Variants in NAALADL2 observed in about 807,000 individuals in gnomAD.
NAALADL2 encodes the protein N-acetylated alpha-linked acidic dipeptidase like 2, also known as inactive N-acetylated-alpha-linked acidic dipeptidase-like protein 2.
A neutral mutation model predicts 87.2 loss-of-function variants in NAALADL2; 76 were observed. That is an observed-to-expected ratio of 0.87 (90% confidence interval 0.72 to 1.05). The LOEUF is 1.05. Among genes scored for constraint, NAALADL2 ranks in the 50% least tolerant of loss-of-function variants. The pLI, the probability that NAALADL2 is intolerant of heterozygous loss-of-function variation, is 0.00. For missense variants in NAALADL2, 1,089 were observed against 945.8 expected (o/e 1.15, Z -1.99); for synonymous variants, 354 against 331.0 (o/e 1.07, Z -0.75).
intron 1 of NAALADL2, among the ~76,000 whole-genome samples, chr3:174,461,920 A>G (rs1716237233): frequency 1.3e-5 from 2 of 152,050 alleles, no homozygotes; most frequent in African/African-American, 2.4e-5. Flanking sequence ...GTAACTTATC[A>G]TCTATATACT....
At chr3:175,304,131 A>G (rs1757416318) in intron 4 of NAALADL2, among the ~76,000 whole-genome samples, 1 of 152,192 alleles carries the variant, frequency 6.6e-6, no homozygotes, top group South Asian at 2.1e-4. Context: ...CAAGAATGAA[A>G]AAGTATCGTT....
intron 11 of NAALADL2, among the ~76,000 whole-genome samples, chr3:175,689,278 T>G (rs1040217008): frequency 6.6e-6 from 1 of 152,136 alleles, no homozygotes; most frequent in South Asian, 2.1e-4. Context: ...TCAGGAATCA[T>G]TTTAAAATGA....
intron 3 of NAALADL2, among the ~76,000 whole-genome samples, chr3:174,825,286 C>T (rs1721857648): frequency 6.6e-6 from 1 of 150,642 alleles, no homozygotes; most frequent in Admixed American, 6.6e-5. Flanking sequence ...TAGAGTAATT[C>T]CCAGTCCAAG....
intron 3 of NAALADL2, among the ~76,000 whole-genome samples, chr3:174,752,542 T>G (rs2109043606): frequency 6.6e-6 from 1 of 152,214 alleles, no homozygotes; most frequent in South Asian, 2.1e-4. Context: ...TTATAATTTA[T>G]TTTTGTGTAT....
chr3:174,972,488 A>C (rs537301273), intron 1 of NAALADL2, among the ~76,000 whole-genome samples: 3 of 152,054 alleles, frequency 2.0e-5, no homozygotes, highest in African/African-American at 7.2e-5. Flanking sequence ...TTTTCTCTAC[A>C]CCTGCATCCT....
intron 11 of NAALADL2, among the ~76,000 whole-genome samples, chr3:175,735,557 A>T (rs1583055791): frequency 6.6e-6 from 1 of 152,312 alleles, no homozygotes; most frequent in East Asian, 1.9e-4. Flanking sequence ...AAGCCTCACC[A>T]TCATTGCAGA....
chr3:175,362,501 A>G (rs1283144878), intron 5 of NAALADL2, among the ~76,000 whole-genome samples: 1 of 148,212 alleles, frequency 6.7e-6, no homozygotes, highest in Non-Finnish European at 1.5e-5. Flanking sequence ...ATCCATGAGC[A>G]TGGAATGTTC....
intron 9 of NAALADL2, among the ~76,000 whole-genome samples, chr3:175,511,147 T>A (rs1003271412): frequency 1.3e-5 from 2 of 152,124 alleles, no homozygotes; most frequent in Non-Finnish European, 2.9e-5. Context: ...GAACCACCAA[T>A]CACTCCTGCA....
At chr3:174,676,309 GATGAGAAA>G (rs1727030277) in intron 2 of NAALADL2, among the ~76,000 whole-genome samples, 1 of 152,018 alleles carries the variant, frequency 6.6e-6, no homozygotes, top group African/African-American at 2.4e-5. Context: ...TTAGTCAATG[GATGAGAAA>G]ATGATAATCC....
Position 174,706,974 on chromosome 3 carries a change from A to T in NAALADL2, c.-114-30667A>T, listed in dbSNP as rs963535701. 6.5e-4 allele frequency among the ~76,000 whole-genome samples: 99 copies of T among 152,198 alleles called. 5 individuals carry two copies. The highest frequency in any genetic ancestry group is 1.5e-5 in the Non-Finnish European group (1 of 68,034). Reference sequence around the variant, plus strand: ...CAAGAGAAAAACAACCCCATCAAAAAGTGGGTGAACGATATGAACAGACAC... The same window carrying T: ...CAAGAGAAAAACAACCCCATCAAAATGTGGGTGAACGATATGAACAGACAC... On this transcript the variant is annotated intron_variant, in intron 2 of 3. Coordinates refer to the NAALADL2 transcript ENST00000434257.
chr3:175,126,057 A>G (rs552607969), intron 2 of NAALADL2, among the ~76,000 whole-genome samples: 6 of 152,252 alleles, frequency 3.9e-5, no homozygotes, highest in Admixed American at 6.5e-5. Context: ...CTTGCTATAC[A>G]TAAAACAATG....
intron 2 of NAALADL2, among the ~76,000 whole-genome samples, chr3:174,649,577 C>T (rs1724150254): frequency 6.6e-6 from 1 of 151,944 alleles, no homozygotes; most frequent in Non-Finnish European, 1.5e-5. Context: ...GACTATGTAT[C>T]AGATTAGTCT....
intron 11 of NAALADL2, among the ~76,000 whole-genome samples, chr3:175,733,237 G>A (rs1404887896): frequency 1.3e-5 from 2 of 152,078 alleles, no homozygotes; most frequent in East Asian, 1.9e-4. Context: ...AAGACATACC[G>A]AAGACAAGGC....
intron 9 of NAALADL2, among the ~76,000 whole-genome samples, chr3:175,558,748 A>G (rs1235241451): frequency 3.3e-5 from 5 of 152,158 alleles, no homozygotes; most frequent in Non-Finnish European, 5.9e-5. Context: ...GTATGAGTTT[A>G]TCGGTGGATT....
chr3:174,812,291 C>T (rs1160695802), intron 3 of NAALADL2, among the ~76,000 whole-genome samples: 3 of 152,126 alleles, frequency 2.0e-5, no homozygotes, highest in East Asian at 3.9e-4. Flanking sequence ...TGAGAATAGT[C>T]CCATATAAGA....
chr3:175,755,245 G>A lies in NAALADL2; in HGVS notation c.2016G>A (p.Leu672=). ...LKGDQPNTHQ[L]LAMALRLRES... is the part of the protein sequence containing the mutation. Reference sequence around the variant, plus strand: ...GTGATCAACCCAACACTCATCAACTGTTAGCCATGGCGTTACGCCTGCGGG... The same window carrying A: ...GTGATCAACCCAACACTCATCAACTATTAGCCATGGCGTTACGCCTGCGGG... The change falls in exon 13 of 14, where the codon CTG becomes CTA. Residue 672 remains leucine, a synonymous_variant. Coordinates refer to ENST00000454872, the MANE Select transcript of NAALADL2 (RefSeq NM_207015.3). The A allele has an allele frequency of 6.2e-7, 1 of 1,613,184 alleles. No homozygotes were observed. The highest frequency in any genetic ancestry group is 8.5e-7 in the Non-Finnish European group (1 of 1,179,710).
At chr3:174,477,875 T>C (rs1396388705) in intron 1 of NAALADL2, among the ~76,000 whole-genome samples, 1 of 152,160 alleles carries the variant, frequency 6.6e-6, no homozygotes, top group Non-Finnish European at 1.5e-5. Context: ...ATGTTAGCCA[T>C]GAGTATTTCT....
chr3:174,769,686 TGTTTTCTC>T (rs1425749207), intron 3 of NAALADL2, among the ~76,000 whole-genome samples: 1 of 151,040 alleles, frequency 6.6e-6, no homozygotes, highest in Non-Finnish European at 1.5e-5. Context: ...TTCTATATTC[TGTTTTCTC>T]CAGTAACATA....
intron 2 of NAALADL2, among the ~76,000 whole-genome samples, chr3:175,132,746 C>T (rs1205574727): frequency 6.6e-6 from 1 of 150,400 alleles, no homozygotes; most frequent in Non-Finnish European, 1.5e-5. Context: ...GGCAGAGGCA[C>T]CCCTCACCTC....
Sources: allele counts gnomAD v4.1 joint callset (sites outside exome capture counted in the v4.1 genomes callset), GRCh38; gene constraint gnomAD v4.1.1; transcripts MANE v1.5; gene names NCBI Gene and HGNC (gene_info 2026-07-23, HGNC 2026-07-21).